MTF2: variants seen among roughly 807,000 people sequenced by gnomAD.
The protein encoded by MTF2 is metal response element binding transcription factor 2, also known as metal-response element-binding transcription factor 2.
A neutral mutation model predicts 79.5 loss-of-function variants in MTF2; 11 were observed. The observed-to-expected ratio is 0.14, with a 90% CI of 0.09 to 0.23. The LOEUF (loss-of-function observed/expected upper bound fraction) is 0.23, where lower values mean the gene tolerates loss of function less well. Among genes scored for constraint, MTF2 ranks in the 10% least tolerant of loss-of-function variants. The probability of loss-of-function intolerance (pLI) is 1.00; values close to 1 mark genes in which losing one functional copy is unlikely to be tolerated. For missense variants in MTF2, 486 were observed against 711.2 expected (o/e 0.68, Z 3.60); for synonymous variants, 208 against 232.8 (o/e 0.89, Z 0.97).
intron 9 of MTF2, among the ~76,000 whole-genome samples, chr1:93,125,456 C>A (rs933095636): frequency 7.2e-5 from 11 of 151,754 alleles, no homozygotes; most frequent in African/African-American, 2.7e-4. Flanking sequence ...GTAACAAAGT[C>A]GGTGCTTTGG....
intron 8 of MTF2, 108 bp from the exon 9 acceptor site, chr1:93,120,441 C>G: frequency 9.7e-7 from 1 of 1,026,592 alleles, no homozygotes; most frequent in Non-Finnish European, 1.4e-6. Context: ...TGACTATCCA[C>G]CTAAATATTT....
chr1:93,121,384 TAAC>T (rs1656470715), intron 9 of MTF2: 13 of 801,966 alleles, frequency 1.6e-5, no homozygotes, highest in African/African-American at 1.9e-5. Context: ...GTACATATAT[TAAC>T]TACTTTTAGT....
At chr1:93,099,350 G>C (rs1655433638) in intron 1 of MTF2, among the ~76,000 whole-genome samples, 1 of 152,142 alleles carries the variant, frequency 6.6e-6, no homozygotes, top group Non-Finnish European at 1.5e-5. Flanking sequence ...GGGCTGGACA[G>C]TATGATTGAA....
intron 9 of MTF2, chr1:93,121,378 A>G (rs1656470461): frequency 1.3e-6 from 1 of 793,652 alleles, no homozygotes; most frequent in Non-Finnish European, 1.5e-6. Context: ...ACTAAAGTAC[A>G]TATATTAACT....
chr1:93,120,721 T>C (rs1314023705), intron 9 of MTF2, 49 bp downstream of exon 9: 2 of 1,571,154 alleles, frequency 1.3e-6, no homozygotes, highest in Non-Finnish European at 1.7e-6. Flanking sequence ...GTCTTTTTTG[T>C]TTTGTTTTGT....
chr1:93,134,203 T>C lies in MTF2; in HGVS notation c.1424+8T>C, dbSNP rs998470382. The C allele has an allele frequency of 1.9e-6, 3 of 1,557,820 alleles. No individual in the cohort carries two copies. The highest frequency in any genetic ancestry group is 1.8e-5 in the Admixed American group (1 of 54,916). On this transcript the variant is annotated splice_region_variant and intron_variant, in intron 14 of 14. Transcript: ENST00000370298. ...CATTTCCAGGCATTATGGGTAGATATTTTACATTCTTATTTTTTTTACTTT... is the reference window on the plus strand; with the variant it reads ...CATTTCCAGGCATTATGGGTAGATACTTTACATTCTTATTTTTTTTACTTT...
At chr1:93,103,104 C>G (rs552324996) in intron 1 of MTF2, among the ~76,000 whole-genome samples, 1 of 151,826 alleles carries the variant, frequency 6.6e-6, no homozygotes, top group Admixed American at 6.6e-5. Flanking sequence ...TGCACTTCAG[C>G]CTGGGTGACA....
At position 93,095,214 on chromosome 1, in the gene MTF2, T is replaced by A. The variant is rs188578777; in HGVS notation, c.6-15016T>A. Among the ~76,000 whole-genome samples the A allele has an allele frequency of 1.8e-3, 267 of 152,178 alleles. 6 individuals carry two copies. In the East Asian group the frequency reaches 0.046, roughly 26 times the overall value. On this transcript the variant is annotated intron_variant, in intron 1 of 14. Coordinates refer to ENST00000370298, the MANE Select transcript of MTF2 (RefSeq NM_007358.4). ...CACCATGCCTGAGTAATTAAAAAAA[T>A]TTTTTTTGTAGTGGTGGGGTCTCCT...
chr1:93,114,655 A>G, intron 3 of MTF2, 33 bp from the exon 4 acceptor site: 1 of 1,530,310 alleles, frequency 6.5e-7, no homozygotes, highest in Non-Finnish European at 8.9e-7. Flanking sequence ...ATTTTTTATG[A>G]CTCTCTTTTT....
intron 7 of MTF2, among the ~76,000 whole-genome samples, chr1:93,118,913 T>A (rs929443844): frequency 1.3e-5 from 2 of 152,272 alleles, no homozygotes; most frequent in Non-Finnish European, 2.9e-5. Context: ...TTTAAAAATC[T>A]TGGCTTATGC....
chr1:93,106,658 G>A (rs1213864499), intron 1 of MTF2, among the ~76,000 whole-genome samples: 2 of 151,974 alleles, frequency 1.3e-5, no homozygotes. Flanking sequence ...TAGCTGGGAT[G>A]ACAGGCATAC....
At position 93,120,969 on chromosome 1, in the gene MTF2, T is replaced by C. The variant is rs569172203; in HGVS notation, c.921+297T>C. 6.4e-6 allele frequency: 7 copies of C among 1,089,032 alleles called. No individual in the cohort carries two copies. The African/African-American group carries it at 1.2e-4, about 19-fold the overall frequency. 67.5% of individuals were successfully genotyped at this position (1,089,032 alleles called of 1,614,324 possible). On this transcript the variant is annotated intron_variant, in intron 9 of 14. Coordinates refer to ENST00000370298, the MANE Select transcript of MTF2 (RefSeq NM_007358.4). ...AAGATAGAAGGGAGGGAGAAATCTT[T>C]AGTATTGGGTATCTTACTTGTAGTT...
In MTF2 at chr1:93,110,373, A is replaced by T; in HGVS notation, c.149A>T (p.Gln50Leu). ...CCAGCATGTAAATTTGAAGAGGGTC[A>T]GGATGTCCTAGCTAGATGGTCAGAT... ...KKPACKFEEGQDVLARWSDGL... is the reference protein window; with the variant it reads ...KKPACKFEEGLDVLARWSDGL... Residue 50 changes from glutamine to leucine, a missense_variant, in exon 2 of 15, where the codon CAG becomes CTG. Transcript: ENST00000370298. 1.2e-6 allele frequency: 2 copies of T among 1,614,242 alleles called. No individual in the cohort carries two copies. The highest frequency in any genetic ancestry group is 2.2e-5 in the South Asian group (2 of 91,090).
At position 93,138,543 on chromosome 1, in the gene MTF2, T is replaced by C. The variant is rs1647494732; in HGVS notation, c.*1516T>C. On this transcript the variant is annotated 3_prime_UTR_variant, in exon 15 of 15. Coordinates refer to ENST00000370298, the MANE Select transcript of MTF2 (RefSeq NM_007358.4). ...AACATCTTCAAAAGATGATCCTTTCTTGTCACATTATAGCCAAAAGAAGCA... is the reference window on the plus strand; with the variant it reads ...AACATCTTCAAAAGATGATCCTTTCCTGTCACATTATAGCCAAAAGAAGCA... 6.6e-6 allele frequency: 1 copy of C among 152,234 alleles called. No individual in the cohort carries two copies. Among genetic ancestry groups the C allele is most frequent in the Non-Finnish European group, 1.5e-5 (1 of 68,024 alleles). The allele number at this position is 152,234 out of a possible 1,614,324, so 9.4% of individuals were successfully genotyped here. A position where few individuals can be genotyped will look rare whatever the true frequency, so the allele number is the denominator to read the frequency against.
intron 7 of MTF2, among the ~76,000 whole-genome samples, chr1:93,119,068 C>T (rs1326317663): frequency 6.6e-6 from 1 of 152,174 alleles, no homozygotes; most frequent in East Asian, 1.9e-4. Context: ...ACTATAAGTA[C>T]GTGTGAGTCT....
chr1:93,085,777 G>C lies in MTF2; in HGVS notation c.5+6246G>C, dbSNP rs934247438. On this transcript the variant is annotated intron_variant, in intron 1 of 14. Coordinates refer to ENST00000370298, the MANE Select transcript of MTF2 (RefSeq NM_007358.4). ...TGCTGGGATTACAGGCATGCCACTTGGGCCCAGCCAGGGCCAACTTTTAGC... is the reference window on the plus strand; with the variant it reads ...TGCTGGGATTACAGGCATGCCACTTCGGCCCAGCCAGGGCCAACTTTTAGC... Among the ~76,000 whole-genome samples, 26 of 152,104 alleles carry C rather than the reference G, an allele frequency of 1.7e-4. 2 individuals carry two copies.
intron 1 of MTF2, among the ~76,000 whole-genome samples, chr1:93,101,914 T>C (rs1365139756): frequency 3.9e-5 from 6 of 152,084 alleles, no homozygotes; most frequent in Admixed American, 2.6e-4. Flanking sequence ...TTCACTGATA[T>C]TAAATACATT....
chr1:93,114,500 G>A (rs979153375), intron 3 of MTF2, among the ~76,000 whole-genome samples, 188 bp from the exon 4 acceptor site: 3 of 152,192 alleles, frequency 2.0e-5, no homozygotes, highest in Non-Finnish European at 4.4e-5. Flanking sequence ...ATGAAAGTAG[G>A]CATGTTAAGT....
chr1:93,130,165 A>G (rs1284810597), intron 11 of MTF2, among the ~76,000 whole-genome samples: 2 of 152,218 alleles, frequency 1.3e-5, no homozygotes, highest in Non-Finnish European at 2.9e-5. Flanking sequence ...AGAGAGTAGC[A>G]TCAGGTATTG....
Sources: allele counts gnomAD v4.1 joint callset (sites outside exome capture counted in the v4.1 genomes callset), GRCh38; gene constraint gnomAD v4.1.1; transcripts MANE v1.5; gene names NCBI Gene and HGNC (gene_info 2026-07-23, HGNC 2026-07-21).